Variants in LRBA observed in about 807,000 individuals in gnomAD.
LRBA encodes the protein LPS responsive beige-like anchor protein.
Under a neutral mutation model 330.0 loss-of-function variants are expected in LRBA, and 176 were observed. The observed-to-expected ratio is 0.53, with a 90% CI of 0.47 to 0.60. The LOEUF (loss-of-function observed/expected upper bound fraction) is 0.60. Ranked by LOEUF, LRBA falls within the 20% of genes least tolerant of loss-of-function variation. The probability of loss-of-function intolerance (pLI) is 0.00; values close to 1 mark genes in which losing one functional copy is unlikely to be tolerated. For missense variants in LRBA, 3,259 were observed against 3,444.8 expected (o/e 0.95, Z 1.35); for synonymous variants, 1,230 against 1,193.0 (o/e 1.03, Z -0.64).
intron 2 of LRBA, among the ~76,000 whole-genome samples, chr4:150,976,073 G>C (rs1312436552): frequency 6.6e-6 from 1 of 151,736 alleles, no homozygotes; most frequent in East Asian, 1.9e-4. Context: ...TACTCAGAAG[G>C]CTGAGGCAGG....
chr4:150,577,419 T>TAA (rs1561376983), intron 40 of LRBA, among the ~76,000 whole-genome samples: 8 of 119,618 alleles, frequency 6.7e-5, no homozygotes, highest in South Asian at 2.7e-4. Flanking sequence ...GTTCATTTTT[T>TAA]TAAAAAAAAA....
At chr4:150,477,109 T>C (rs1467863698) in intron 42 of LRBA, among the ~76,000 whole-genome samples, 4 of 152,168 alleles carry the variant, frequency 2.6e-5, no homozygotes, top group Admixed American at 6.6e-5. Context: ...CTTCTTGATA[T>C]TGTGTGGGCA....
At chr4:150,512,314 A>C (rs1761913947) in intron 40 of LRBA, among the ~76,000 whole-genome samples, 1 of 152,216 alleles carries the variant, frequency 6.6e-6, no homozygotes, top group South Asian at 2.1e-4. Flanking sequence ...AGGAACTGGA[A>C]ACTTATGATT....
At chr4:150,270,041 A>T (rs1214173990) in intron 56 of LRBA, among the ~76,000 whole-genome samples, 1 of 152,188 alleles carries the variant, frequency 6.6e-6, no homozygotes, top group Non-Finnish European at 1.5e-5. Context: ...TCAAAACCAC[A>T]ATGAGAGACC....
At chr4:150,505,040 T>C (rs538265198) in intron 40 of LRBA, among the ~76,000 whole-genome samples, 2 of 152,278 alleles carry the variant, frequency 1.3e-5, no homozygotes, top group East Asian at 3.9e-4. Context: ...CCTAAATATA[T>C]ATGCAACCAA....
chr4:150,487,576 C>T (rs1199059407), intron 42 of LRBA, among the ~76,000 whole-genome samples, 156 bp downstream of exon 42: 1 of 149,106 alleles, frequency 6.7e-6, no homozygotes, highest in East Asian at 1.9e-4. Flanking sequence ...TACTAATAAT[C>T]ATTATTTACT....
intron 2 of LRBA, among the ~76,000 whole-genome samples, chr4:151,002,196 C>CAAAAAAAAAAAAA (rs143587760): frequency 4.1e-4 from 10 of 24,400 alleles, no homozygotes; most frequent in South Asian, 2.9e-3. Flanking sequence ...CATAAAACAG[C>CAAAAAAAAAAAAA]AAAAAAAAAA....
chr4:150,701,203 G>A (rs1785085446), intron 36 of LRBA, among the ~76,000 whole-genome samples: 1 of 151,986 alleles, frequency 6.6e-6, no homozygotes, highest in East Asian at 1.9e-4. Context: ...GAGGGTCTTT[G>A]GGGCAGTAAC....
At chr4:150,565,147 C>T (rs1384230295) in intron 40 of LRBA, among the ~76,000 whole-genome samples, 2 of 152,136 alleles carry the variant, frequency 1.3e-5, no homozygotes, top group Non-Finnish European at 2.9e-5. Flanking sequence ...AAATGTGGTA[C>T]ATATACACCA....
intron 51 of LRBA, 142 bp from the exon 52 acceptor site, chr4:150,310,526 A>G: frequency 3.8e-6 from 2 of 524,164 alleles, no homozygotes; most frequent in East Asian, 6.0e-5. Flanking sequence ...CCGAGTAGGA[A>G]AACATATCCA....
chr4:150,919,023 A>G (rs1732951696), intron 5 of LRBA, among the ~76,000 whole-genome samples: 1 of 152,214 alleles, frequency 6.6e-6, no homozygotes, highest in Non-Finnish European at 1.5e-5. Context: ...ACTAGTTGAC[A>G]AATGATTAAA....
intron 17 of LRBA, among the ~76,000 whole-genome samples, chr4:150,880,917 GC>G (rs1276104622): frequency 6.6e-6 from 1 of 152,132 alleles, no homozygotes; most frequent in African/African-American, 2.4e-5. Flanking sequence ...ATACAAGCAG[GC>G]AACAAACATA....
intron 2 of LRBA, among the ~76,000 whole-genome samples, chr4:151,006,990 G>C (rs539440110): frequency 6.6e-6 from 1 of 152,260 alleles, no homozygotes; most frequent in African/African-American, 2.4e-5. Context: ...GCCCAGAATA[G>C]CCAAAACTGT....
Position 150,352,946 on chromosome 4 carries a change from TA to T in LRBA, c.7195-2788del, listed in dbSNP as rs751886103. On this transcript the variant is annotated intron_variant, in intron 47 of 56. Coordinates refer to ENST00000651943, the MANE Select transcript of LRBA (RefSeq NM_001364905.1). ...CACTTAAATGGCAATTTATATCATTTAAATGTTTACTGCCAGACTAGCTCAT... is the reference window on the plus strand; with the variant it reads ...CACTTAAATGGCAATTTATATCATTTAATGTTTACTGCCAGACTAGCTCAT... 3.3e-5 allele frequency among the ~76,000 whole-genome samples: 5 copies of T among 152,214 alleles called. No individual in the cohort carries two copies. The East Asian group carries it at 9.6e-4, about 29-fold the overall frequency.
chr4:150,344,308 T>A (rs950403128), intron 48 of LRBA, among the ~76,000 whole-genome samples: 10 of 152,228 alleles, frequency 6.6e-5, no homozygotes, highest in South Asian at 2.1e-4. Flanking sequence ...TTGTAACATA[T>A]GTGAACTATA....
chr4:150,265,604 T>C lies in LRBA; in HGVS notation c.*118A>G, dbSNP rs1745203367. Reference sequence around the variant, plus strand: ...CAAAAATAGCAATTATTAATAACTTTAAAAAATATTTTGCTTCTTTGAGCA... The same window carrying C: ...CAAAAATAGCAATTATTAATAACTTCAAAAAATATTTTGCTTCTTTGAGCA... On this transcript the variant is annotated 3_prime_UTR_variant, in exon 57 of 57. Coordinates refer to ENST00000651943, the MANE Select transcript of LRBA (RefSeq NM_001364905.1). 5 of 671,278 alleles carry C rather than the reference T, an allele frequency of 7.4e-6. No individual in the cohort carries two copies. The South Asian group carries it at 9.6e-5, about 13-fold the overall frequency. 41.6% of individuals were successfully genotyped at this position (671,278 alleles called of 1,614,324 possible). A position where few individuals can be genotyped will look rare whatever the true frequency, so the allele number is the denominator to read the frequency against.
intron 53 of LRBA, among the ~76,000 whole-genome samples, chr4:150,287,704 G>A (rs895854449): frequency 6.6e-6 from 1 of 152,216 alleles, no homozygotes; most frequent in Non-Finnish European, 1.5e-5. Context: ...CCAGCTGCTG[G>A]ACCTAGCCTA....
rs201109519 is a variant in LRBA, at chr4:150,849,429, G to A, written c.4151C>T (p.Ser1384Leu). The change falls in exon 25 of 57, where the codon TCG becomes TTG. Residue 1384 changes from serine (S) to leucine (L), a missense_variant. By Grantham distance (145) the Ser-to-Leu change is moderately radical. Coordinates refer to ENST00000651943, the MANE Select transcript of LRBA (RefSeq NM_001364905.1). ...TAGTAATTAAGTCCTTACTGTAGCC[G>A]ATGTAGCAGCTGAAAGCAATGGCAG... ...GILPLLSAAT[S>L]ATHELENIEP... The A allele has an allele frequency of 5.0e-5, 81 of 1,613,580 alleles. 1 individual carries two copies. The highest frequency in any genetic ancestry group is 8.8e-5 in the South Asian group (8 of 90,982).
At chr4:150,552,170 T>C (rs111988096) in intron 40 of LRBA, among the ~76,000 whole-genome samples, 1 of 152,086 alleles carries the variant, frequency 6.6e-6, no homozygotes, top group Non-Finnish European at 1.5e-5. Context: ...TCCTGCTATG[T>C]GGCCCAGTTC....
Sources: allele counts gnomAD v4.1 joint callset (sites outside exome capture counted in the v4.1 genomes callset), GRCh38; gene constraint gnomAD v4.1.1; transcripts MANE v1.5; gene names NCBI Gene and HGNC (gene_info 2026-07-23, HGNC 2026-07-21).